Variants in PPM1H observed in about 807,000 individuals in gnomAD.
PPM1H encodes protein phosphatase, Mg2+/Mn2+ dependent 1H, also known as protein phosphatase 1H.
A neutral mutation model predicts 54.9 loss-of-function variants in PPM1H; 27 were observed. The ratio of observed to expected loss-of-function variants is 0.49; its 90% CI spans 0.36 to 0.68. The LOEUF (loss-of-function observed/expected upper bound fraction) is 0.68. PPM1H is among the 30% of genes least tolerant of loss of function. The pLI, the probability that PPM1H is intolerant of heterozygous loss-of-function variation, is 0.00. For missense variants in PPM1H, 596 were observed against 667.8 expected, an observed-to-expected ratio of 0.89 and a Z score of 1.19; for synonymous variants, 305 against 270.8, an observed-to-expected ratio of 1.13 and a Z score of -1.24.
intron 4 of PPM1H, among the ~76,000 whole-genome samples, chr12:62,780,922 C>T (rs139887339): frequency 1.3e-5 from 2 of 152,322 alleles, no homozygotes; most frequent in African/African-American, 4.8e-5. Context: ...TAATCTCACG[C>T]CAGCATTTCT....
At chr12:62,658,451 G>C (rs2075860242) in intron 9 of PPM1H, among the ~76,000 whole-genome samples, 1 of 151,644 alleles carries the variant, frequency 6.6e-6, no homozygotes, top group Non-Finnish European at 1.5e-5. Flanking sequence ...TTACATATTT[G>C]CCTCCGTTTT....
At chr12:62,651,666 T>C (rs1331736187) in intron 9 of PPM1H, among the ~76,000 whole-genome samples, 1 of 152,232 alleles carries the variant, frequency 6.6e-6, no homozygotes, top group East Asian at 1.9e-4. Context: ...CCATCCACTC[T>C]GTTTTCCCTT....
chr12:62,835,634 T>C (rs978663655), intron 1 of PPM1H, among the ~76,000 whole-genome samples: 4 of 152,190 alleles, frequency 2.6e-5, no homozygotes, highest in African/African-American at 4.8e-5. Flanking sequence ...GTCCCACCTA[T>C]GTAAGCCTGT....
At chr12:62,887,991 C>T (rs1355937067) in intron 1 of PPM1H, among the ~76,000 whole-genome samples, 2 of 152,144 alleles carry the variant, frequency 1.3e-5, no homozygotes, top group African/African-American at 4.8e-5. Context: ...GGCATGCAAG[C>T]ATGAGCGACA....
At chr12:62,676,024 A>G (rs969690028) in intron 8 of PPM1H, among the ~76,000 whole-genome samples, 2 of 152,292 alleles carry the variant, frequency 1.3e-5, no homozygotes, top group East Asian at 3.9e-4. Context: ...AGCCACATGC[A>G]TTGTGGGTCT....
chr12:62,753,305 A>G (rs189043426), intron 4 of PPM1H, among the ~76,000 whole-genome samples: 1 of 152,336 alleles, frequency 6.6e-6, no homozygotes, highest in Admixed American at 6.5e-5. Context: ...CCACTTCTGA[A>G]TGAAAACAGG....
chr12:62,812,141 A>T (rs1008569383), intron 2 of PPM1H, among the ~76,000 whole-genome samples: 1 of 152,142 alleles, frequency 6.6e-6, no homozygotes, highest in African/African-American at 2.4e-5. Context: ...CTTGCACTTC[A>T]GTGTTGCTTG....
chr12:62,647,907 CGAA>C lies in PPM1H; in HGVS notation c.*579_*581del. On this transcript the variant is annotated 3_prime_UTR_variant, in exon 10 of 10. Coordinates refer to ENST00000228705, the MANE Select transcript of PPM1H (RefSeq NM_020700.2). ...ACAGATTCAAGGAATGTCAAAAACACGAAAAAAAAAAAAAAAAATCCCTGCCTC... is the reference window on the plus strand; with the variant it reads ...ACAGATTCAAGGAATGTCAAAAACACAAAAAAAAAAAAAAATCCCTGCCTC... 1 of 36,640 alleles carries C rather than the reference CGAA, an allele frequency of 2.7e-5. No homozygotes were observed. The highest frequency in any genetic ancestry group is 7.4e-4 in the South Asian group (1 of 1,360). The allele number at this position is 36,640 out of a possible 1,614,324, so 2.3% of individuals were successfully genotyped here.
intron 5 of PPM1H, among the ~76,000 whole-genome samples, chr12:62,733,091 G>A (rs939733039): frequency 6.6e-6 from 1 of 152,124 alleles, no homozygotes; most frequent in Non-Finnish European, 1.5e-5. Flanking sequence ...AGCATGTTAT[G>A]AGTACCTAAA....
chr12:62,673,936 C>T (rs1368690575), intron 8 of PPM1H, among the ~76,000 whole-genome samples: 1 of 151,752 alleles, frequency 6.6e-6, no homozygotes, highest in East Asian at 1.9e-4. Context: ...AGGCTGATCT[C>T]AAACTCCTGA....
At chr12:62,709,797 G>A (rs751347344) in intron 6 of PPM1H, among the ~76,000 whole-genome samples, 5 of 152,216 alleles carry the variant, frequency 3.3e-5, no homozygotes, top group South Asian at 2.1e-4. Context: ...AAGGCCGGGC[G>A]TGGTGGCTCA....
intron 8 of PPM1H, among the ~76,000 whole-genome samples, chr12:62,673,331 C>G (rs975235698): frequency 5.3e-5 from 8 of 152,222 alleles, no homozygotes; most frequent in Non-Finnish European, 1.2e-4. Context: ...TAGTGCTCGG[C>G]TGCAGGCTGC....
intron 9 of PPM1H, among the ~76,000 whole-genome samples, chr12:62,657,975 G>A (rs2075854766): frequency 6.8e-6 from 1 of 146,326 alleles, no homozygotes; most frequent in Non-Finnish European, 1.5e-5. Flanking sequence ...GGTTCTTACA[G>A]ATTTAATACT....
chr12:62,909,479 G>T, intron 1 of PPM1H, among the ~76,000 whole-genome samples: 1 of 152,050 alleles, frequency 6.6e-6, no homozygotes, highest in East Asian at 1.9e-4. Flanking sequence ...CCTCCCTGCT[G>T]GTCCTCAAAC....
intron 4 of PPM1H, among the ~76,000 whole-genome samples, chr12:62,762,843 G>A (rs149612259): frequency 3.9e-5 from 6 of 152,318 alleles, no homozygotes; most frequent in African/African-American, 9.6e-5. Flanking sequence ...GGGCAATACC[G>A]GTTAAGAAAT....
chr12:62,676,638 T>A (rs1186903812), intron 8 of PPM1H, among the ~76,000 whole-genome samples: 2 of 152,136 alleles, frequency 1.3e-5, no homozygotes, highest in Admixed American at 6.5e-5. Context: ...GTGACCCGGC[T>A]GGGTGTGTGG....
At chr12:62,811,829 A>G (rs1457469012) in intron 2 of PPM1H, among the ~76,000 whole-genome samples, 1 of 152,202 alleles carries the variant, frequency 6.6e-6, no homozygotes, top group African/African-American at 2.4e-5. Flanking sequence ...CTGTGAGTCA[A>G]TTAAACCTCT....
At chr12:62,717,874 T>C (rs936761278) in intron 6 of PPM1H, among the ~76,000 whole-genome samples, 4 of 152,224 alleles carry the variant, frequency 2.6e-5, no homozygotes, top group African/African-American at 9.7e-5. Context: ...CAATGAGCTG[T>C]TCTTCTCCCC....
In PPM1H at chr12:62,805,628, T is replaced by C. The variant is rs777670795; in HGVS notation, c.412-3468A>G. Among the ~76,000 whole-genome samples the C allele has an allele frequency of 6.6e-5, 10 of 152,168 alleles. No individual in the cohort carries two copies. In the East Asian group the frequency reaches 1.7e-3, roughly 26 times the overall value. On this transcript the variant is annotated intron_variant, in intron 2 of 9. Coordinates refer to ENST00000228705, the MANE Select transcript of PPM1H (RefSeq NM_020700.2). ...AAGACAAATACCACTTGATCTCATA[T>C]GTGGAATCTAAAAAAGAGTCAAACT...
Sources: allele counts gnomAD v4.1 joint callset (sites outside exome capture counted in the v4.1 genomes callset), GRCh38; gene constraint gnomAD v4.1.1; transcripts MANE v1.5; gene names NCBI Gene and HGNC (gene_info 2026-07-23, HGNC 2026-07-21).